The following TOP2B variants were observed in gnomAD, a reference collection of about 807,000 sequenced individuals.
The protein encoded by TOP2B is DNA topoisomerase II beta.
TOP2B carries 51 observed loss-of-function variants against 193.5 expected under a neutral mutation model. The ratio of observed to expected loss-of-function variants is 0.26; its 90% confidence interval spans 0.21 to 0.33. The LOEUF is 0.33. Among genes scored for constraint, TOP2B ranks in the 10% least tolerant of loss-of-function variants. The probability of loss-of-function intolerance (pLI) is 1.00; values close to 1 mark genes in which losing one functional copy is unlikely to be tolerated. For missense variants in TOP2B, 1,378 were observed against 1,909.3 expected, an observed-to-expected ratio of 0.72 and a Z score of 5.19; for synonymous variants, 634 against 635.7, an observed-to-expected ratio of 1.00 and a Z score of 0.04.
chr3:25,612,906 T>G (rs576365106), intron 27 of TOP2B, among the ~76,000 whole-genome samples, 197 bp from the exon 28 acceptor site: 1 of 152,186 alleles, frequency 6.6e-6, no homozygotes, highest in Non-Finnish European at 1.5e-5. Flanking sequence ...TAATCCCAAT[T>G]CATCTAACTA....
chr3:25,628,198 A>C (rs1237699046), intron 15 of TOP2B, among the ~76,000 whole-genome samples: 1 of 148,152 alleles, frequency 6.7e-6, no homozygotes, highest in Non-Finnish European at 1.5e-5. Context: ...AAAGGGAGCC[A>C]GGCATGGTGG....
chr3:25,617,661 T>C (rs1237854760), intron 25 of TOP2B, among the ~76,000 whole-genome samples: 1 of 152,186 alleles, frequency 6.6e-6, no homozygotes, highest in African/African-American at 2.4e-5. Context: ...AATAATCTAA[T>C]ACCCAAAAAA....
intron 1 of TOP2B, among the ~76,000 whole-genome samples, chr3:25,651,864 CAAAA>C (rs753903605): frequency 2.2e-5 from 2 of 90,056 alleles, no homozygotes; most frequent in Non-Finnish European, 2.3e-5. Context: ...GATTGTGTCT[CAAAA>C]AAAAAAAAAA....
In TOP2B at chr3:25,599,518, C is replaced by T; in HGVS notation, c.4627G>A (p.Gly1543Arg). 6.2e-7 allele frequency: 1 copy of T among 1,612,802 alleles called. No homozygotes were observed. Among genetic ancestry groups the T allele is most frequent in the Non-Finnish European group, 8.5e-7 (1 of 1,179,298 alleles). The change falls in exon 35 of 36, where the codon GGG (glycine) becomes AGG (arginine). Residue 1543 changes from glycine to arginine, a missense_variant. Physicochemically the swap from Gly to Arg is moderately radical, Grantham distance 125. This residue lies in a region of TOP2B where 556 missense variants were observed against 584.2 expected (regional missense o/e 0.95). Coordinates refer to ENST00000264331, the MANE Select transcript of TOP2B (RefSeq NM_001330700.2). ...KTTTPKGKGR[G>R]AKKRKASGSE... ...CCAGATGCTTTCCTTTTCTTTGCCC[C>T]TCGGCCTTTACCTTAAAATGATACA... is the stretch of plus-strand genomic sequence containing the variant.
chr3:25,606,857 C>G (rs930738284), intron 31 of TOP2B, among the ~76,000 whole-genome samples: 5 of 152,192 alleles, frequency 3.3e-5, no homozygotes, highest in Non-Finnish European at 5.9e-5. Flanking sequence ...AACATGGCTA[C>G]ACTGATTTAT....
At chr3:25,621,985 T>A (rs1702669006) in intron 21 of TOP2B, among the ~76,000 whole-genome samples, 1 of 150,172 alleles carries the variant, frequency 6.7e-6, no homozygotes, top group Non-Finnish European at 1.5e-5. Flanking sequence ...TGAGACTCTG[T>A]CTCAGAAAAA....
At chr3:25,633,148 G>C (rs1230654623) in intron 8 of TOP2B, among the ~76,000 whole-genome samples, 1 of 151,958 alleles carries the variant, frequency 6.6e-6, no homozygotes, top group Admixed American at 6.6e-5. Flanking sequence ...GTTGGTTAAG[G>C]GCTCAATCCC....
chr3:25,633,145 A>G (rs2125381558), intron 8 of TOP2B, among the ~76,000 whole-genome samples: 1 of 152,192 alleles, frequency 6.6e-6, no homozygotes. Flanking sequence ...AGGGTTGGTT[A>G]AGGGCTCAAT....
At chr3:25,638,107 T>C in intron 5 of TOP2B, 58 bp downstream of exon 5, 3 of 1,440,400 alleles carry the variant, frequency 2.1e-6, no homozygotes, top group Non-Finnish European at 2.8e-6. Flanking sequence ...CTTAGTAAGT[T>C]ATACATTTTA....
In TOP2B at chr3:25,598,216, A is replaced by AAAAT; in HGVS notation, c.*87_*90dup. ...AAACCGTCAATTACATCATCACATT[A>AAAAT]AAATAAGCCAGATGTACAAAAGTCT... is the stretch of plus-strand genomic sequence containing the variant. On this transcript the variant is annotated 3_prime_UTR_variant, in exon 36 of 36. Transcript: ENST00000264331. 3.7e-6 allele frequency: 5 copies of AAAAT among 1,349,378 alleles called. No individual in the cohort carries two copies. The highest frequency in any genetic ancestry group is 2.3e-5 in the East Asian group (1 of 42,664). The allele number at this position is 1,349,378 out of a possible 1,614,324, so 83.6% of individuals were successfully genotyped here.
At chr3:25,626,962 C>G in intron 16 of TOP2B, 98 bp from the exon 17 acceptor site, 1 of 779,442 alleles carries the variant, frequency 1.3e-6, no homozygotes, top group South Asian at 2.0e-5. Context: ...TTCTTAATTT[C>G]TGGAAAATTA....
At chr3:25,611,950 A>AT (rs934496369) in intron 28 of TOP2B, among the ~76,000 whole-genome samples, 13 of 149,278 alleles carry the variant, frequency 8.7e-5, no homozygotes, top group East Asian at 2.0e-4. Flanking sequence ...TTATTTATTT[A>AT]TTTTTTTTTG....
In TOP2B at chr3:25,630,061, G is replaced by A; in HGVS notation, c.1657C>T (p.Arg553Cys). The part of the protein sequence containing the change: ...YDDAESLKTL[R>C]YGKIMIMTDQ... Reference sequence around the variant, plus strand: ...GTCATAATCATAATCTTTCCATAGCGTAAGGTTTTCAGAGATTCTGCATCA... The same window carrying A: ...GTCATAATCATAATCTTTCCATAGCATAAGGTTTTCAGAGATTCTGCATCA... The change falls in exon 13 of 36, where the codon CGC becomes TGC. Residue 553 changes from arginine to cysteine, a missense_variant. By Grantham distance (180) the Arg-to-Cys change is radical. Around this residue, in one of 9 missense-constraint regions of TOP2B, gnomAD observed 66 missense variants for 153.3 expected, o/e 0.43. Coordinates refer to ENST00000264331, the MANE Select transcript of TOP2B (RefSeq NM_001330700.2). 6.2e-7 allele frequency: 1 copy of A among 1,608,464 alleles called. No homozygotes were observed. The highest frequency in any genetic ancestry group is 8.5e-7 in the Non-Finnish European group (1 of 1,177,474).
intron 23 of TOP2B, 122 bp downstream of exon 23, chr3:25,619,740 A>G (rs908006623): frequency 1.3e-4 from 35 of 268,190 alleles, no homozygotes; most frequent in Non-Finnish European, 1.6e-4. Context: ...CAGGATGGGA[A>G]AAAAAAAAAA....
intron 7 of TOP2B, 58 bp downstream of exon 7, chr3:25,635,878 C>G (rs765750045): frequency 1.1e-5 from 16 of 1,452,776 alleles, no homozygotes; most frequent in Middle Eastern, 1.8e-4. Flanking sequence ...AAGGAAGACC[C>G]AACAATATTC....
chr3:25,615,124 C>T (rs1410835949), intron 27 of TOP2B, 81 bp downstream of exon 27: 19 of 1,287,086 alleles, frequency 1.5e-5, no homozygotes, highest in Non-Finnish European at 2.1e-5. Flanking sequence ...TTAAAGAAAA[C>T]TTTAAGATCA....
At chr3:25,602,065 C>A (rs1702108782) in intron 33 of TOP2B, among the ~76,000 whole-genome samples, 1 of 152,022 alleles carries the variant, frequency 6.6e-6, no homozygotes, top group South Asian at 2.1e-4. Flanking sequence ...GAAAAATAGA[C>A]CTTGTTTTAC....
intron 3 of TOP2B, among the ~76,000 whole-genome samples, chr3:25,642,868 TC>T (rs1703303775): frequency 6.6e-6 from 1 of 152,150 alleles, no homozygotes; most frequent in Non-Finnish European, 1.5e-5. Flanking sequence ...AAATTCTGTA[TC>T]CTAGGCACTA....
intron 1 of TOP2B, among the ~76,000 whole-genome samples, chr3:25,647,678 C>T (rs961603380): frequency 1.3e-5 from 2 of 151,680 alleles, no homozygotes; most frequent in African/African-American, 4.8e-5. Context: ...CAACTTTTTC[C>T]ACACTTCCTT....
Sources: gnomAD v4.1 joint callset for allele counts (sites outside exome capture counted in the v4.1 genomes callset) on GRCh38, gnomAD v4.1.1 for gene constraint, gnomAD v4.1.1 regional missense constraint, MANE v1.5 for transcripts, NCBI Gene and HGNC (gene_info 2026-07-23, HGNC 2026-07-21) for gene names.